GAPVD1: variants seen among roughly 807,000 people sequenced by gnomAD.
GAPVD1 encodes GTPase-activating protein and VPS9 domain-containing protein 1.
In GAPVD1, 35 loss-of-function variants were observed where a neutral mutation model predicts 155.5. The observed-to-expected ratio is 0.23, with a 90% confidence interval of 0.17 to 0.30. The LOEUF is 0.30. GAPVD1 is among the 10% of genes least tolerant of loss of function. The pLI, the probability that GAPVD1 is intolerant of heterozygous loss-of-function variation, is 1.00. For synonymous variants in GAPVD1, 636 were observed against 619.7 expected (o/e 1.03, Z -0.39); for missense variants, 1,429 against 1,775.7 (o/e 0.80, Z 3.51).
chr9:125,287,765 G>A (rs551131038), intron 2 of GAPVD1: 3 of 152,128 alleles, frequency 2.0e-5, no homozygotes, highest in African/African-American at 7.2e-5. Flanking sequence ...TTTTGAGATG[G>A]AGTCTTGCTC....
chr9:125,341,349 C>T (rs757569415), intron 18 of GAPVD1, 85 bp downstream of exon 18: 3 of 695,412 alleles, frequency 4.3e-6, no homozygotes, highest in Non-Finnish European at 5.0e-6. Flanking sequence ...TGTCTCAACT[C>T]CTCTGTAAGA....
chr9:125,307,567 A>G lies in GAPVD1; in HGVS notation c.1251+20A>G, dbSNP rs2131075212. 1 of 1,602,352 alleles carries G rather than the reference A, an allele frequency of 6.2e-7. No homozygotes were observed. The highest frequency in any genetic ancestry group is 8.5e-7 in the Non-Finnish European group (1 of 1,172,770). Reference sequence around the variant, plus strand: ...ACTCTGGTAATGGCTTCATTGTTTAAGAGAATTTCTCGAAAGTCTTTTAGC... The same window carrying G: ...ACTCTGGTAATGGCTTCATTGTTTAGGAGAATTTCTCGAAAGTCTTTTAGC... On this transcript the variant is annotated intron_variant, in intron 7 of 27. Transcript: ENST00000297933.
intron 9 of GAPVD1, among the ~76,000 whole-genome samples, chr9:125,320,985 T>C (rs1844253059): frequency 6.6e-6 from 1 of 152,234 alleles, no homozygotes; most frequent in African/African-American, 2.4e-5. Context: ...AACTGTTTTA[T>C]GTGCATCTTT....
chr9:125,337,167 C>A, intron 16 of GAPVD1, 54 bp from the exon 17 acceptor site: 2 of 1,606,980 alleles, frequency 1.2e-6, no homozygotes, highest in Non-Finnish European at 8.5e-7. Flanking sequence ...CTTGTTAATG[C>A]CTTTGTTAGA....
chr9:125,304,832 GAAATT>G (rs1841519206), intron 5 of GAPVD1, among the ~76,000 whole-genome samples: 1 of 152,050 alleles, frequency 6.6e-6, no homozygotes, highest in Admixed American at 6.6e-5. Flanking sequence ...GTGTTAAAGA[GAAATT>G]AAAGCAAAAA....
At chr9:125,346,755 A>G (rs1482379008) in intron 19 of GAPVD1, 64 bp from the exon 20 acceptor site, 2 of 1,260,570 alleles carry the variant, frequency 1.6e-6, no homozygotes, top group Non-Finnish European at 2.3e-6. Flanking sequence ...TACTGGTGTC[A>G]TACTAACATC....
At chr9:125,348,954 T>A (rs1236971623) in intron 20 of GAPVD1, among the ~76,000 whole-genome samples, 1 of 152,230 alleles carries the variant, frequency 6.6e-6, no homozygotes, top group Non-Finnish European at 1.5e-5. Context: ...TAACCCATAG[T>A]CAACCTTGGC....
At chr9:125,307,010 A>G (rs1057507621) in intron 6 of GAPVD1, among the ~76,000 whole-genome samples, 2 of 151,992 alleles carry the variant, frequency 1.3e-5, no homozygotes, top group Non-Finnish European at 2.9e-5. Context: ...TCACATTTGT[A>G]TTTTTGGCAC....
chr9:125,305,421 G>C (rs969612346), intron 6 of GAPVD1, among the ~76,000 whole-genome samples: 1 of 149,448 alleles, frequency 6.7e-6, no homozygotes. Context: ...TCGCCCAGGC[G>C]GAGTGCAGTG....
intron 2 of GAPVD1, among the ~76,000 whole-genome samples, chr9:125,279,974 CT>C (rs148277033): frequency 0.026 from 3,947 of 151,524 alleles, 143 homozygotes; most frequent in African/African-American, 0.083. Context: ...GTTGGCCAGG[CT>C]GGTCTTGAAC....
chr9:125,336,481 A>G (rs138698910), intron 15 of GAPVD1, among the ~76,000 whole-genome samples: 152 of 152,186 alleles, frequency 1.0e-3, no homozygotes, highest in African/African-American at 3.6e-3. Flanking sequence ...TATTGCCCCT[A>G]TGTTTATAAT....
chr9:125,273,524 A>G (rs1835245010), intron 2 of GAPVD1, among the ~76,000 whole-genome samples: 1 of 150,646 alleles, frequency 6.6e-6, no homozygotes, highest in Non-Finnish European at 1.5e-5. Context: ...TTCTTCAGCT[A>G]AGACTGCAGA....
chr9:125,362,777 T>C lies in GAPVD1; in HGVS notation c.*31T>C. 6.2e-7 allele frequency: 1 copy of C among 1,603,190 alleles called. No homozygotes were observed. Among genetic ancestry groups the C allele is most frequent in the Non-Finnish European group, 8.5e-7 (1 of 1,173,956 alleles). On this transcript the variant is annotated 3_prime_UTR_variant, in exon 28 of 28. Coordinates refer to ENST00000297933, the MANE Select transcript of GAPVD1 (RefSeq NM_001282680.3). ...ACCAAGGCCCACCAAGGCAGCAGAC[T>C]GTTAATCAGACAAACAGATCTCTGA...
chr9:125,358,507 T>C (rs774269377), intron 25 of GAPVD1, among the ~76,000 whole-genome samples: 4 of 152,242 alleles, frequency 2.6e-5, no homozygotes, highest in Non-Finnish European at 5.9e-5. Context: ...TTACTGTGCC[T>C]GACTCCCAGG....
intron 19 of GAPVD1, chr9:125,346,392 G>C (rs1047862724): frequency 4.7e-6 from 1 of 214,300 alleles, no homozygotes; most frequent in Non-Finnish European, 9.5e-6. Context: ...TTATTTAAAG[G>C]GGTTTAAGTC....
At chr9:125,349,333 GCCATAATATT>G in intron 20 of GAPVD1, 47 bp from the exon 21 acceptor site, 1 of 1,485,150 alleles carries the variant, frequency 6.7e-7, no homozygotes, top group Non-Finnish European at 9.4e-7. Flanking sequence ...ACCTACTAGT[GCCATAATATT>G]CCAAATGAAC....
At chr9:125,361,000 T>C (rs1249923798) in intron 27 of GAPVD1, among the ~76,000 whole-genome samples, 3 of 152,162 alleles carry the variant, frequency 2.0e-5, no homozygotes, top group Non-Finnish European at 4.4e-5. Flanking sequence ...TAGCTGGGAT[T>C]ACAGGCGTGC....
intron 17 of GAPVD1, among the ~76,000 whole-genome samples, chr9:125,339,758 C>T (rs1047653387): frequency 4.6e-5 from 7 of 152,222 alleles, no homozygotes; most frequent in Admixed American, 1.3e-4. Flanking sequence ...AAATTTGTAA[C>T]TCATTTCTCC....
chr9:125,360,487 A>G (rs1210804962), intron 26 of GAPVD1, 41 bp from the exon 27 acceptor site: 1 of 1,539,062 alleles, frequency 6.5e-7, no homozygotes, highest in Non-Finnish European at 9.0e-7. Context: ...CAGGGTTGCC[A>G]CTGGATTCAG....
Sources: allele counts gnomAD v4.1 joint callset (sites outside exome capture counted in the v4.1 genomes callset), GRCh38; gene constraint gnomAD v4.1.1; transcripts MANE v1.5; gene names NCBI Gene and HGNC (gene_info 2026-07-23, HGNC 2026-07-21).